The following TENM4 variants were observed in gnomAD, a reference collection of about 807,000 sequenced individuals.
The protein encoded by TENM4 is teneurin transmembrane protein 4, also known as teneurin-4.
Under a neutral mutation model 243.3 loss-of-function variants are expected in TENM4, and 82 were observed. That is an observed-to-expected ratio of 0.34 (90% confidence interval 0.28 to 0.40). The LOEUF is 0.40. Among genes scored for constraint, TENM4 ranks in the 10% least tolerant of loss-of-function variants. TENM4 has a pLI of 1.00. For synonymous variants in TENM4, 1,412 were observed against 1,456.3 expected (o/e 0.97, Z 0.69); for missense variants, 3,138 against 3,673.3 (o/e 0.85, Z 3.77).
At chr11:78,901,022 A>G (rs1028392712) in intron 7 of TENM4, among the ~76,000 whole-genome samples, 1 of 152,186 alleles carries the variant, frequency 6.6e-6, no homozygotes, top group African/African-American at 2.4e-5. Context: ...GGCTTCAAGA[A>G]TAAGTAGGAC....
intron 3 of TENM4, among the ~76,000 whole-genome samples, chr11:79,163,989 G>A (rs35853911): frequency 0.49 from 61,242 of 125,892 alleles, 17,217 homozygotes; most frequent in Non-Finnish European, 0.63. Flanking sequence ...TATATATAGT[G>A]TATATATAGT....
intron 19 of TENM4, among the ~76,000 whole-genome samples, chr11:78,739,430 T>A (rs561854347): frequency 6.6e-6 from 1 of 152,138 alleles, no homozygotes; most frequent in Non-Finnish European, 1.5e-5. Flanking sequence ...CAAAACCTGA[T>A]GCAGACACCT....
At chr11:78,659,884 C>G (rs549205464) in intron 33 of TENM4, among the ~76,000 whole-genome samples, 37 of 152,372 alleles carry the variant, frequency 2.4e-4, no homozygotes, top group Non-Finnish European at 4.6e-4. Flanking sequence ...GCTTTAGCAA[C>G]AGGCCTATCG....
chr11:78,788,763 A>G (rs1453045737), intron 15 of TENM4, among the ~76,000 whole-genome samples: 1 of 152,202 alleles, frequency 6.6e-6, no homozygotes, highest in African/African-American at 2.4e-5. Flanking sequence ...TCAGCCACTA[A>G]TCTACTGTGT....
At chr11:79,150,890 C>T (rs1862495454) in intron 3 of TENM4, among the ~76,000 whole-genome samples, 1 of 152,150 alleles carries the variant, frequency 6.6e-6, no homozygotes, top group Non-Finnish European at 1.5e-5. Context: ...TTATTTTATT[C>T]TACTTAATCT....
intron 12 of TENM4, among the ~76,000 whole-genome samples, chr11:78,832,684 G>A (rs758626241): frequency 3.3e-5 from 5 of 152,214 alleles, no homozygotes; most frequent in Non-Finnish European, 7.3e-5. Context: ...TGTAATCCTC[G>A]TAATAAGGGC....
chr11:78,878,514 C>T lies in TENM4; in HGVS notation c.1084+11271G>A, dbSNP rs115945481. ...CTTGAGCTAAGCTCTTGAGAAAGAA[C>T]TGATTGGTAGAAGTGGGGTAGGAGG... On this transcript the variant is annotated intron_variant, in intron 9 of 33. Transcript: ENST00000278550. 4.5e-3 allele frequency among the ~76,000 whole-genome samples: 684 copies of T among 152,282 alleles called. 9 individuals are homozygous for T. The highest frequency in any genetic ancestry group is 0.016 in the African/African-American group (654 of 41,548).
At chr11:79,371,324 G>A (rs1857782147) in intron 1 of TENM4, among the ~76,000 whole-genome samples, 2 of 152,318 alleles carry the variant, frequency 1.3e-5, no homozygotes, top group South Asian at 4.1e-4. Context: ...CCATTAGGAG[G>A]CACTGGGTGA....
chr11:79,139,752 A>ATG (rs1862238641), intron 4 of TENM4, among the ~76,000 whole-genome samples: 1 of 29,368 alleles, frequency 3.4e-5, no homozygotes, highest in African/African-American at 1.0e-4. Context: ...AATATATAAT[A>ATG]TATATTATAT....
intron 1 of TENM4, among the ~76,000 whole-genome samples, chr11:79,316,477 C>G (rs577554859): frequency 2.0e-5 from 3 of 152,172 alleles, no homozygotes; most frequent in Admixed American, 6.5e-5. Flanking sequence ...GGCTAACAAG[C>G]GTACCCAGTT....
At chr11:79,050,304 A>G (rs1859762405) in intron 6 of TENM4, among the ~76,000 whole-genome samples, 1 of 152,194 alleles carries the variant, frequency 6.6e-6, no homozygotes, top group Admixed American at 6.5e-5. Context: ...CACTAGCTCT[A>G]GTGCTGGGGT....
chr11:79,170,648 A>C lies in TENM4; in HGVS notation c.-162-21842T>G, dbSNP rs77935960. ...TGCCTCTATATACGAAGGAATGCCC[A>C]AGGTTGCCAGCAAACCCCCAGAAGC... On this transcript the variant is annotated intron_variant, in intron 3 of 33. Coordinates refer to ENST00000278550, the MANE Select transcript of TENM4 (RefSeq NM_001098816.3). Among the ~76,000 whole-genome samples the C allele has an allele frequency of 4.4e-4, 67 of 152,318 alleles. No individual in the cohort carries two copies. In the East Asian group the frequency reaches 9.3e-3, roughly 21 times the overall value.
intron 1 of TENM4, among the ~76,000 whole-genome samples, chr11:79,359,565 A>C (rs1857556451): frequency 6.6e-6 from 1 of 152,172 alleles, no homozygotes; most frequent in Non-Finnish European, 1.5e-5. Flanking sequence ...TAAGCTTGAA[A>C]TTTTCCAATA....
intron 12 of TENM4, among the ~76,000 whole-genome samples, chr11:78,852,273 G>C (rs1480256798): frequency 6.6e-6 from 1 of 152,206 alleles, no homozygotes; most frequent in Non-Finnish European, 1.5e-5. Flanking sequence ...CCTGTATTTA[G>C]AGCAGAAGCT....
chr11:79,047,603 G>T (rs140687628), intron 6 of TENM4, among the ~76,000 whole-genome samples: 17 of 152,226 alleles, frequency 1.1e-4, no homozygotes, highest in African/African-American at 3.6e-4. Flanking sequence ...GAGCTCTTAG[G>T]CTCCTTGGAC....
intron 1 of TENM4, among the ~76,000 whole-genome samples, chr11:79,371,901 T>A (rs1203770660): frequency 6.6e-6 from 1 of 151,986 alleles, no homozygotes; most frequent in East Asian, 1.9e-4. Flanking sequence ...GGGCAAATGG[T>A]CCCCAAACAC....
rs910971792 is a variant in TENM4, at chr11:78,684,280, A to G, written c.5260+3774T>C. Among the ~76,000 whole-genome samples the G allele has an allele frequency of 2.6e-5, 4 of 152,378 alleles. No individual in the cohort carries two copies. The East Asian group carries it at 7.7e-4, about 29-fold the overall frequency. ...CTGCCTTGCTGTAAGACCTTGGCCA[A>G]ATTCTTAACCTTCCATGCCTCTGGT... On this transcript the variant is annotated intron_variant, in intron 29 of 33. Coordinates refer to ENST00000278550, the MANE Select transcript of TENM4 (RefSeq NM_001098816.3).
At chr11:79,062,750 G>A (rs1036670937) in intron 6 of TENM4, among the ~76,000 whole-genome samples, 4 of 152,190 alleles carry the variant, frequency 2.6e-5, no homozygotes, top group African/African-American at 7.2e-5. Flanking sequence ...CCCTAGACCA[G>A]TAATAGAACT....
At chr11:79,433,542 GA>G (rs1447115111) in intron 1 of TENM4, among the ~76,000 whole-genome samples, 4 of 152,172 alleles carry the variant, frequency 2.6e-5, no homozygotes, top group Non-Finnish European at 2.9e-5. Context: ...CCCACAGCGA[GA>G]AAAATCGACT....
Sources: gnomAD v4.1 joint callset for allele counts (sites outside exome capture counted in the v4.1 genomes callset) on GRCh38, gnomAD v4.1.1 for gene constraint, MANE v1.5 for transcripts, NCBI Gene and HGNC (gene_info 2026-07-23, HGNC 2026-07-21) for gene names.